Variants in PROCR observed in about 807,000 individuals in gnomAD.
PROCR encodes the protein endothelial protein C receptor.
A neutral mutation model predicts 24.2 loss-of-function variants in PROCR; 22 were observed. That is an observed-to-expected ratio of 0.91 (90% CI 0.65 to 1.30). PROCR has a LOEUF of 1.30. Ranked by LOEUF, PROCR falls within the 50% of genes most tolerant of loss-of-function variation. The pLI, the probability that PROCR is intolerant of heterozygous loss-of-function variation, is 0.00. For missense variants in PROCR, 288 were observed against 307.7 expected (o/e 0.94, Z 0.48); for synonymous variants, 137 against 139.2 (o/e 0.98, Z 0.11).
At chr20:35,183,867 C>A (rs543483912) in intron 1 of PROCR, among the ~76,000 whole-genome samples, 2 of 152,108 alleles carry the variant, frequency 1.3e-5, no homozygotes, top group Non-Finnish European at 2.9e-5. Context: ...TGCCCAACAT[C>A]GTTATAGTCA....
upstream of PROCR, among the ~76,000 whole-genome samples, chr20:35,171,802 C>T (rs943826637): frequency 6.6e-6 from 1 of 152,086 alleles, no homozygotes; most frequent in Non-Finnish European, 1.5e-5. Context: ...CCTGAGTCAG[C>T]GCCGGCAGGA....
chr20:35,188,310 A>G (rs1328932517), intron 1 of PROCR, among the ~76,000 whole-genome samples: 1 of 152,214 alleles, frequency 6.6e-6, no homozygotes, highest in African/African-American at 2.4e-5. Flanking sequence ...GTTTATTTTA[A>G]CACAGAAGGA....
intron 1 of PROCR, among the ~76,000 whole-genome samples, chr20:35,213,481 A>C (rs1234736246): frequency 6.6e-6 from 1 of 152,092 alleles, no homozygotes; most frequent in East Asian, 1.9e-4. Context: ...TACCTAGTTT[A>C]TAGTTTGTTG....
At chr20:35,177,906 G>T (rs192608798), downstream of PROCR, among the ~76,000 whole-genome samples, 3 of 152,148 alleles carry the variant, frequency 2.0e-5, no homozygotes, top group African/African-American at 7.2e-5. Context: ...AAACTGTTCT[G>T]TCTACTTTTT....
intron 1 of PROCR, among the ~76,000 whole-genome samples, chr20:35,207,712 T>C (rs541846875): frequency 5.3e-4 from 81 of 152,130 alleles, no homozygotes; most frequent in African/African-American, 1.7e-3. Context: ...ATATTTTTAG[T>C]AGAGACGGGG....
chr20:35,176,051 C>T (rs2086012629), intron 2 of PROCR, 117 bp from the exon 3 acceptor site: 3 of 1,213,198 alleles, frequency 2.5e-6, no homozygotes, highest in South Asian at 2.4e-5. Context: ...GACCTAGACT[C>T]CCCTCTCCTC....
At chr20:35,173,346 G>C (rs1050453603) in intron 1 of PROCR, among the ~76,000 whole-genome samples, 72 of 151,722 alleles carry the variant, frequency 4.7e-4, no homozygotes, top group African/African-American at 1.6e-3. Context: ...ACTGTGTCTC[G>C]TGGGGCATCA....
chr20:35,179,101 C>T (rs1440012527), downstream of PROCR, among the ~76,000 whole-genome samples: 3 of 150,666 alleles, frequency 2.0e-5, no homozygotes, highest in East Asian at 2.0e-4. Flanking sequence ...GGCATGGTTG[C>T]GGGCGCCTGT....
Position 35,176,319 on chromosome 20 carries a change from C to T in PROCR, c.474C>T (p.Ser158=). Residue 158 remains serine, a synonymous_variant, in exon 3 of 4, where the codon TCC becomes TCT. Coordinates refer to ENST00000216968, the MANE Select transcript of PROCR (RefSeq NM_006404.5). ...ALWQADTQVT[S]GVVTFTLQQL... is the part of the protein sequence containing the mutation. ...GGCAGGCAGACACCCAGGTCACCTC[C>T]GGAGTGGTCACCTTCACCCTGCAGC... is the stretch of plus-strand genomic sequence containing the variant. 2.5e-6 allele frequency: 4 copies of T among 1,614,232 alleles called. No individual in the cohort carries two copies. The highest frequency in any genetic ancestry group is 2.2e-5 in the South Asian group (2 of 91,090).
At chr20:35,210,350 G>T (rs2060357450) in intron 1 of PROCR, among the ~76,000 whole-genome samples, 1 of 152,076 alleles carries the variant, frequency 6.6e-6, no homozygotes, top group Non-Finnish European at 1.5e-5. Flanking sequence ...TTGAGGACCA[G>T]CCTGGGCAAT....
chr20:35,188,665 G>A (rs909600603), intron 1 of PROCR, among the ~76,000 whole-genome samples: 3 of 152,232 alleles, frequency 2.0e-5, no homozygotes, highest in African/African-American at 7.2e-5. Flanking sequence ...ATGGTCTGAT[G>A]TGGTTGCTCC....
At position 35,177,063 on chromosome 20, in the gene PROCR, T is replaced by C. The variant is rs2086027830; in HGVS notation, c.*250T>C. The C allele has an allele frequency of 3.9e-6, 5 of 1,284,180 alleles. No individual in the cohort carries two copies. The South Asian group carries it at 7.7e-5, about 20-fold the overall frequency. The allele number at this position is 1,284,180 out of a possible 1,614,324, so 79.5% of individuals were successfully genotyped here. ...GCTGAATTAGTCTGATAAGTGAATG[T>C]TTATCTATCTTTGTGGAAAACAGAT... On this transcript the variant is annotated 3_prime_UTR_variant, in exon 4 of 4. Coordinates refer to ENST00000216968, the MANE Select transcript of PROCR (RefSeq NM_006404.5).
intron 1 of PROCR, among the ~76,000 whole-genome samples, chr20:35,172,493 G>A (rs568993408): frequency 1.3e-5 from 2 of 152,232 alleles, no homozygotes; most frequent in East Asian, 3.9e-4. Flanking sequence ...CAGCAGAGAG[G>A]GTAGGAGAAT....
intron 1 of PROCR, among the ~76,000 whole-genome samples, chr20:35,185,587 A>G (rs996838805): frequency 1.4e-4 from 22 of 152,188 alleles, no homozygotes; most frequent in Non-Finnish European, 2.8e-4. Context: ...ATTTGCAATG[A>G]CCTGGAGGAG....
intron 3 of PROCR, 24 bp downstream of exon 3, chr20:35,176,470 C>T: frequency 6.2e-7 from 1 of 1,611,548 alleles, no homozygotes; most frequent in Non-Finnish European, 8.5e-7. Flanking sequence ...GGGCCCAGGC[C>T]TGCAAGCTGG....
chr20:35,181,714 C>T (rs985066399), downstream of PROCR, among the ~76,000 whole-genome samples: 5 of 152,176 alleles, frequency 3.3e-5, no homozygotes, highest in Non-Finnish European at 7.3e-5. Context: ...AAAGGAAAAA[C>T]GGAACGCCTC....
At chr20:35,171,895 G>A (rs539189206), upstream of PROCR, among the ~76,000 whole-genome samples, 1 of 152,246 alleles carries the variant, frequency 6.6e-6, no homozygotes, top group South Asian at 2.1e-4. Flanking sequence ...GAAAAGGCAG[G>A]TCTGGGCAGG....
chr20:35,210,178 A>G (rs1288224497), intron 1 of PROCR, among the ~76,000 whole-genome samples: 1 of 151,932 alleles, frequency 6.6e-6, no homozygotes, highest in Non-Finnish European at 1.5e-5. Flanking sequence ...GTGAGCTATA[A>G]TCATGCCACT....
At chr20:35,195,045 A>G (rs939448106) in intron 1 of PROCR, among the ~76,000 whole-genome samples, 2 of 152,238 alleles carry the variant, frequency 1.3e-5, no homozygotes, top group African/African-American at 4.8e-5. Context: ...AAAAACTTTA[A>G]AGTAGCTATT....
Sources: gnomAD v4.1 joint callset for allele counts (sites outside exome capture counted in the v4.1 genomes callset) on GRCh38, gnomAD v4.1.1 for gene constraint, MANE v1.5 for transcripts, NCBI Gene and HGNC (gene_info 2026-07-23, HGNC 2026-07-21) for gene names.